The following FAAH2 variants were observed in gnomAD, a reference collection of about 807,000 sequenced individuals.
FAAH2 encodes fatty-acid amide hydrolase 2.
In FAAH2, 60 loss-of-function variants were observed where a neutral mutation model predicts 36.9. The observed-to-expected ratio is 1.63, with a 90% CI of 1.32 to 2.02. The LOEUF (loss-of-function observed/expected upper bound fraction) is 2.02, where lower values mean the gene tolerates loss of function less well. Among genes scored for constraint, FAAH2 ranks in the 30% most tolerant of loss-of-function variants. FAAH2 has a pLI of 0.00. For synonymous variants in FAAH2, 214 were observed against 143.8 expected (o/e 1.49, Z -3.49); for missense variants, 689 against 397.5 (o/e 1.73, Z -6.23).
chrX:57,432,114 A>G, intron 8 of FAAH2, 77 bp downstream of exon 8: 3 of 873,880 alleles, frequency 3.4e-6, no homozygotes, highest in Non-Finnish European at 4.7e-6. Flanking sequence ...TCCATATGTT[A>G]GAGGTGTAGA....
rs1207534932 is a variant in FAAH2 at position 57,286,930 on chromosome X, G to A, written c.105G>A (p.Lys35=). ...GRAALVLGGP[K]FASKTPRPVT... ...CAGCTTTAGTCTTAGGGGGTCCAAA[G>A]TTTGCCTCAAAGACCCCTCGGCCGG... Residue 35 remains lysine, a synonymous_variant, in exon 1 of 11, where the codon AAG becomes AAA. Transcript: ENST00000374900. The A allele has an allele frequency of 1.7e-6, 2 of 1,207,620 alleles. No individual in the cohort carries two copies. The highest frequency in any genetic ancestry group is 1.8e-5 in the South Asian group (1 of 56,198).
At chrX:57,123,241 G>C in the FAAH2 span, among the ~76,000 whole-genome samples, 1 of 111,536 alleles carries the variant, frequency 9.0e-6, no homozygotes, top group Admixed American at 9.5e-5. Context: ...CTATGAGTGA[G>C]AACATGCGGT....
chrX:57,395,136 A>G, intron 7 of FAAH2: 2 of 538,203 alleles, frequency 3.7e-6, no homozygotes, highest in Non-Finnish European at 6.9e-6. Context: ...CGTGTACAGT[A>G]GAGTCTTCAT....
the FAAH2 span, among the ~76,000 whole-genome samples, chrX:57,153,139 C>G: frequency 8.9e-6 from 1 of 112,165 alleles, no homozygotes; most frequent in Non-Finnish European, 1.9e-5. Context: ...TCTTTTTAAA[C>G]TGCTCTTGAT....
intron 4 of FAAH2, among the ~76,000 whole-genome samples, chrX:57,333,398 TCA>T (rs1178752419): frequency 3.6e-5 from 4 of 111,289 alleles, no homozygotes; most frequent in Non-Finnish European, 5.7e-5. Context: ...AAAGACAAAA[TCA>T]CAGTTTGAAA....
chrX:57,440,601 C>A (rs1035098637), intron 8 of FAAH2, among the ~76,000 whole-genome samples: 1 of 111,335 alleles, frequency 9.0e-6, no homozygotes, highest in African/African-American at 3.3e-5. Flanking sequence ...ATTTCTTTCC[C>A]TTGTCTGATT....
chrX:57,179,170 C>T, the FAAH2 span, among the ~76,000 whole-genome samples: 3 of 111,609 alleles, frequency 2.7e-5, no homozygotes, highest in Non-Finnish European at 5.6e-5. Flanking sequence ...TACAAAAGCA[C>T]CCTTGAGTAC....
the FAAH2 span, among the ~76,000 whole-genome samples, chrX:57,203,247 G>T: frequency 1.8e-5 from 2 of 112,170 alleles, no homozygotes; most frequent in African/African-American, 6.5e-5. Flanking sequence ...GGAAACAAAG[G>T]GATGGGCCAA....
At chrX:57,373,032 G>C (rs771870585) in intron 5 of FAAH2, among the ~76,000 whole-genome samples, 12 of 111,356 alleles carry the variant, frequency 1.1e-4, no homozygotes, top group Non-Finnish European at 2.3e-4. Context: ...ATTCCATCCA[G>C]GTTGCTGCAA....
intron 10 of FAAH2, among the ~76,000 whole-genome samples, chrX:57,471,516 C>A (rs2057165881): frequency 9.0e-6 from 1 of 111,423 alleles, no homozygotes; most frequent in Non-Finnish European, 1.9e-5. Context: ...AATAAAATAC[C>A]TAGGAATCCA....
At chrX:57,319,771 T>A (rs751294682) in intron 3 of FAAH2, among the ~76,000 whole-genome samples, 2 of 112,158 alleles carry the variant, frequency 1.8e-5, no homozygotes, top group East Asian at 5.6e-4. Flanking sequence ...CTGCAAAGTA[T>A]ACTACAAGGC....
intron 3 of FAAH2, among the ~76,000 whole-genome samples, chrX:57,328,305 A>C (rs1423910619): frequency 1.8e-5 from 2 of 111,998 alleles, no homozygotes; most frequent in Admixed American, 9.5e-5. Flanking sequence ...TTGAGGAGGC[A>C]GTCTGTCCAT....
the FAAH2 span, among the ~76,000 whole-genome samples, chrX:57,155,335 G>T: frequency 9.0e-6 from 1 of 111,682 alleles, no homozygotes; most frequent in East Asian, 2.8e-4. Flanking sequence ...GGTGGAGCTT[G>T]CTGTGGCTGC....
chrX:57,157,013 C>G, the FAAH2 span, among the ~76,000 whole-genome samples: 2 of 112,268 alleles, frequency 1.8e-5, no homozygotes, highest in Non-Finnish European at 3.8e-5. Flanking sequence ...TTGCCTTCTT[C>G]GTCAGGGTGG....
At chrX:57,271,941 A>G in the FAAH2 span, among the ~76,000 whole-genome samples, 1 of 110,687 alleles carries the variant, frequency 9.0e-6, no homozygotes, top group Middle Eastern at 4.7e-3. Context: ...GAAGGTGGGT[A>G]ATAACAAACT....
intron 9 of FAAH2, 130 bp downstream of exon 9, chrX:57,447,169 C>A: frequency 4.7e-6 from 2 of 424,007 alleles, no homozygotes; most frequent in South Asian, 5.1e-5. Context: ...CTTAACGCTC[C>A]AAAATGATCT....
chrX:57,480,381 G>T (rs1438189582), intron 10 of FAAH2, among the ~76,000 whole-genome samples: 7 of 111,811 alleles, frequency 6.3e-5, no homozygotes, highest in Non-Finnish European at 1.3e-4. Flanking sequence ...CTGGCAAACC[G>T]AATCCAGCAG....
At chrX:57,264,274 A>T in the FAAH2 span, among the ~76,000 whole-genome samples, 1 of 112,505 alleles carries the variant, frequency 8.9e-6, no homozygotes. Flanking sequence ...AAAAGATAAA[A>T]ATACAAGCTA....
intron 10 of FAAH2, among the ~76,000 whole-genome samples, chrX:57,471,774 C>T (rs963911679): frequency 8.1e-5 from 9 of 111,630 alleles, no homozygotes; most frequent in African/African-American, 1.3e-4. Context: ...AAAAAGAGCC[C>T]GCATTGCCAA....
Sources: allele counts gnomAD v4.1 joint callset (sites outside exome capture counted in the v4.1 genomes callset), GRCh38; gene constraint gnomAD v4.1.1; transcripts MANE v1.5; gene names NCBI Gene and HGNC (gene_info 2026-07-23, HGNC 2026-07-21).